CADM2: variants seen among roughly 807,000 people sequenced by gnomAD.
CADM2 encodes the protein cell adhesion molecule 2.
In CADM2, 12 loss-of-function variants were observed where a neutral mutation model predicts 49.8. That is an observed-to-expected ratio of 0.24 (90% CI 0.15 to 0.39). The LOEUF (loss-of-function observed/expected upper bound fraction) is 0.39, where lower values mean the gene tolerates loss of function less well. Ranked by LOEUF, CADM2 falls within the 10% of genes least tolerant of loss-of-function variation. The probability of loss-of-function intolerance (pLI) is 1.00; values close to 1 mark genes in which losing one functional copy is unlikely to be tolerated. For synonymous variants in CADM2, 214 were observed against 175.4 expected (o/e 1.22, Z -1.74); for missense variants, 378 against 492.3 (o/e 0.77, Z 2.20).
intron 1 of CADM2, chr3:85,385,845 T>C (rs1459737888): frequency 6.9e-6 from 1 of 145,064 alleles, no homozygotes; most frequent in East Asian, 2.1e-4. Flanking sequence ...ATTGTATAAA[T>C]TGAACATTCT....
intron 1 of CADM2, among the ~76,000 whole-genome samples, chr3:85,042,282 T>C (rs544571699): frequency 5.8e-4 from 89 of 152,312 alleles, no homozygotes; most frequent in African/African-American, 2.1e-3. Context: ...GTCTTGAGCA[T>C]GAAAGCAGTC....
At chr3:84,982,012 G>GTGTCTTT (rs1477149880) in intron 1 of CADM2, among the ~76,000 whole-genome samples, 1 of 152,106 alleles carries the variant, frequency 6.6e-6, no homozygotes, top group Admixed American at 6.6e-5. Context: ...CTTTTAAACT[G>GTGTCTTT]TGTCTTTTAA....
At chr3:85,502,450 C>G (rs2040157659) in intron 1 of CADM2, among the ~76,000 whole-genome samples, 1 of 151,530 alleles carries the variant, frequency 6.6e-6, no homozygotes, top group African/African-American at 2.4e-5. Flanking sequence ...ATTAAACTAG[C>G]TAGAAGGGTT....
chr3:85,236,696 C>G (rs1310601163), intron 1 of CADM2, among the ~76,000 whole-genome samples: 1 of 152,034 alleles, frequency 6.6e-6, no homozygotes, highest in Non-Finnish European at 1.5e-5. Flanking sequence ...ACCATTGGGC[C>G]TTCTCTACCA....
chr3:85,150,888 G>A (rs944406136), intron 1 of CADM2, among the ~76,000 whole-genome samples: 22 of 151,082 alleles, frequency 1.5e-4, no homozygotes, highest in African/African-American at 5.1e-4. Flanking sequence ...CAGCCCGGGC[G>A]ACAATGCGAG....
chr3:85,109,129 G>T (rs942506631), intron 1 of CADM2, among the ~76,000 whole-genome samples: 1 of 151,858 alleles, frequency 6.6e-6, no homozygotes, highest in African/African-American at 2.4e-5. Context: ...GGGAGGAGGG[G>T]GAAGTGACTA....
At chr3:85,935,911 T>C in intron 7 of CADM2, 54 bp downstream of exon 7, 1 of 1,033,952 alleles carries the variant, frequency 9.7e-7, no homozygotes, top group South Asian at 1.4e-5. Context: ...TTATCTTGCT[T>C]TGATTACAGC....
At chr3:85,504,413 G>C (rs1427592652) in intron 1 of CADM2, among the ~76,000 whole-genome samples, 1 of 152,192 alleles carries the variant, frequency 6.6e-6, no homozygotes. Flanking sequence ...CTTCCACACT[G>C]CGGAAGGGGA....
rs1172958163 is a variant in CADM2 at position 86,068,698 on chromosome 3, A to T, written c.*1915A>T. The T allele has an allele frequency of 1.3e-5, 2 of 152,374 alleles. No individual in the cohort carries two copies. The highest frequency in any genetic ancestry group is 2.9e-5 in the Non-Finnish European group (2 of 67,856). 9.4% of individuals were successfully genotyped at this position (152,374 alleles called of 1,614,324 possible). On this transcript the variant is annotated 3_prime_UTR_variant, in exon 10 of 10. Transcript: ENST00000383699. The stretch of plus-strand genomic sequence containing the variant: ...GATTTCTTACAAAAGAAAAAGGACG[A>T]TGTCAGTCAAGCAGCACTTTTTCAG...
intron 1 of CADM2, among the ~76,000 whole-genome samples, chr3:85,004,193 A>G (rs1428156704): frequency 2.0e-5 from 3 of 152,094 alleles, no homozygotes; most frequent in African/African-American, 7.2e-5. Flanking sequence ...TTTATTAATT[A>G]TGTAAACTAT....
chr3:85,403,583 A>T (rs961289835), intron 1 of CADM2, among the ~76,000 whole-genome samples: 2 of 152,140 alleles, frequency 1.3e-5, no homozygotes, highest in Non-Finnish European at 2.9e-5. Context: ...GCTCTTAATA[A>T]GGCAGATCTG....
At chr3:86,019,591 C>T (rs1732842932) in intron 8 of CADM2, among the ~76,000 whole-genome samples, 1 of 150,572 alleles carries the variant, frequency 6.6e-6, no homozygotes, top group Non-Finnish European at 1.5e-5. Context: ...AGAGGTCCTT[C>T]ACATCCCTTG....
chr3:85,086,905 A>G (rs188947908), intron 1 of CADM2, among the ~76,000 whole-genome samples: 4 of 152,296 alleles, frequency 2.6e-5, no homozygotes, highest in Admixed American at 6.5e-5. Context: ...CTGCTTTCAT[A>G]GCAATATTTT....
intron 2 of CADM2, among the ~76,000 whole-genome samples, chr3:85,754,834 A>C (rs188326444): frequency 2.6e-5 from 4 of 152,344 alleles, no homozygotes; most frequent in African/African-American, 7.2e-5. Flanking sequence ...AACAAACAAA[A>C]AAATACCACC....
chr3:85,664,691 C>G (rs2065512826), intron 1 of CADM2, among the ~76,000 whole-genome samples: 1 of 151,928 alleles, frequency 6.6e-6, no homozygotes, highest in Non-Finnish European at 1.5e-5. Context: ...TTTAAATATA[C>G]AATTAATTGA....
chr3:85,521,356 G>T (rs771838248), intron 1 of CADM2, among the ~76,000 whole-genome samples: 1 of 152,024 alleles, frequency 6.6e-6, no homozygotes, highest in Non-Finnish European at 1.5e-5. Flanking sequence ...AAGCTTCATA[G>T]ATCTAAGCTA....
intron 1 of CADM2, among the ~76,000 whole-genome samples, chr3:85,114,907 A>G (rs890612731): frequency 1.3e-5 from 2 of 152,290 alleles, no homozygotes; most frequent in African/African-American, 4.8e-5. Context: ...ATCTTAGTTC[A>G]TATATAGAAA....
At chr3:85,619,976 C>T (rs967663554) in intron 1 of CADM2, among the ~76,000 whole-genome samples, 2 of 152,238 alleles carry the variant, frequency 1.3e-5, no homozygotes, top group Admixed American at 6.5e-5. Flanking sequence ...ATTATACAAA[C>T]CAAAGTGTGA....
chr3:86,008,458 CTT>C (rs1731067735), intron 8 of CADM2, among the ~76,000 whole-genome samples: 1 of 152,028 alleles, frequency 6.6e-6, no homozygotes, highest in African/African-American at 2.4e-5. Flanking sequence ...AATTTGAACT[CTT>C]ATCAAAACAT....
Sources: allele counts gnomAD v4.1 joint callset (sites outside exome capture counted in the v4.1 genomes callset), GRCh38; gene constraint gnomAD v4.1.1; transcripts MANE v1.5; gene names NCBI Gene and HGNC (gene_info 2026-07-23, HGNC 2026-07-21).